OR51B5: variants seen among roughly 807,000 people sequenced by gnomAD.
OR51B5 encodes olfactory receptor family 51 subfamily B member 5.
For missense variants in OR51B5, 456 were observed against 374.6 expected (o/e 1.22, Z -1.79); for synonymous variants, 186 against 144.8 (o/e 1.28, Z -2.04).
At chr11:5,470,337 C>T (rs55646573) in intron 1 of OR51B5, among the ~76,000 whole-genome samples, 1 of 152,286 alleles carries the variant, frequency 6.6e-6, no homozygotes, top group Non-Finnish European at 1.5e-5. Context: ...GAGTTACTAT[C>T]GTAGAAAACA....
At chr11:5,380,417 C>T (rs770087582) in intron 1 of OR51B5, among the ~76,000 whole-genome samples, 46 of 152,176 alleles carry the variant, frequency 3.0e-4, no homozygotes, top group Non-Finnish European at 5.0e-4. Context: ...ATCGATCTCA[C>T]ACCACAAAAT....
chr11:5,340,532 C>A (rs947236869), downstream of OR51B5: 1 of 151,190 alleles, frequency 6.6e-6, no homozygotes, highest in Non-Finnish European at 1.5e-5. Flanking sequence ...TCTTCTACTG[C>A]GGTTAGGAGT....
intron 1 of OR51B5, among the ~76,000 whole-genome samples, chr11:5,474,890 G>A (rs927484011): frequency 6.6e-6 from 1 of 152,174 alleles, no homozygotes; most frequent in Non-Finnish European, 1.5e-5. Flanking sequence ...TAAGTTTGGG[G>A]TGGTAGGAAT....
exon 1 of OR51B5, chr11:5,342,656 T>C (rs926541684): frequency 6.2e-7 from 1 of 1,613,462 alleles, no homozygotes; most frequent in Non-Finnish European, 8.5e-7. Context: ...CTTGACACTA[T>C]ATGTTATAGG....
In OR51B5 at chr11:5,363,961, G is replaced by A. The variant is rs193036981; in HGVS notation, n.85-17051C>T. ...TTTCTGTAAAGGAGGAGAAGCTTGT[G>A]TTAGGAATGGAAGAATGCCTGGGCT... On this transcript the variant is annotated intron_variant and non_coding_transcript_variant, in intron 1 of 4. Transcript: ENST00000415970. Among the ~76,000 whole-genome samples, 3 of 152,304 alleles carry A rather than the reference G, an allele frequency of 2.0e-5. No homozygotes were observed. The East Asian group carries it at 5.8e-4, about 29-fold the overall frequency.
chr11:5,461,687 G>T (rs138096436), intron 1 of OR51B5, among the ~76,000 whole-genome samples: 4 of 152,298 alleles, frequency 2.6e-5, no homozygotes, highest in African/African-American at 9.6e-5. Context: ...AGTTCTCCCT[G>T]CCAATTAAAA....
At chr11:5,351,932 T>C in intron 1 of OR51B5, 1 of 1,613,058 alleles carries the variant, frequency 6.2e-7, no homozygotes, top group East Asian at 2.2e-5. Flanking sequence ...GTAATGAAGA[T>C]TGGTGTGCGG....
chr11:5,444,064 TTC>T (rs1358144267), intron 1 of OR51B5, among the ~76,000 whole-genome samples: 3 of 152,178 alleles, frequency 2.0e-5, no homozygotes, highest in African/African-American at 7.2e-5. Context: ...ATTTCAAATA[TTC>T]TCTTATTTTT....
intron 1 of OR51B5, chr11:5,453,850 A>C: frequency 6.2e-7 from 1 of 1,614,128 alleles, no homozygotes; most frequent in Non-Finnish European, 8.5e-7. Context: ...ATGAGTTTTG[A>C]CCGCTATGTG....
At chr11:5,358,143 G>T (rs1849222965) in intron 1 of OR51B5, among the ~76,000 whole-genome samples, 1 of 151,952 alleles carries the variant, frequency 6.6e-6, no homozygotes, top group Non-Finnish European at 1.5e-5. Flanking sequence ...ACTAAAATCA[G>T]AGCAGAACTG....
chr11:5,427,116 C>T (rs1850463248), intron 1 of OR51B5, among the ~76,000 whole-genome samples: 1 of 152,208 alleles, frequency 6.6e-6, no homozygotes, highest in African/African-American at 2.4e-5. Flanking sequence ...ATTTACTACC[C>T]CTCACAATTG....
rs980048973 is a variant in OR51B5, at chr11:5,361,047, G to A, written n.85-14137C>T. Among the ~76,000 whole-genome samples the A allele has an allele frequency of 6.6e-5, 10 of 152,082 alleles. No homozygotes were observed. The South Asian group carries it at 1.7e-3, about 25-fold the overall frequency. ...GGAGATATACCTAATGCTAAGTGAC[G>A]AGTTAATGGGTGCAGCACACCAACA... On this transcript the variant is annotated intron_variant and non_coding_transcript_variant, in intron 1 of 4. Transcript: ENST00000415970.
At chr11:5,383,319 G>A (rs1001550860) in intron 1 of OR51B5, among the ~76,000 whole-genome samples, 2 of 152,114 alleles carry the variant, frequency 1.3e-5, no homozygotes, top group Admixed American at 1.3e-4. Flanking sequence ...GGCAGAGATG[G>A]AGGGCAATTT....
At chr11:5,440,617 C>T (rs267602954) in intron 1 of OR51B5, 1 of 1,613,748 alleles carries the variant, frequency 6.2e-7, no homozygotes, top group South Asian at 1.1e-5. Flanking sequence ...TTGCGGATCT[C>T]CTTGGTTTTC....
At chr11:5,369,523 GTTGTATTTTT>G (rs1849419958) in intron 1 of OR51B5, among the ~76,000 whole-genome samples, 1 of 151,976 alleles carries the variant, frequency 6.6e-6, no homozygotes, top group Non-Finnish European at 1.5e-5. Context: ...CTAGTAAGTA[GTTGTATTTTT>G]AAAATTTTCC....
chr11:5,480,571 TG>T (rs1244171901), intron 1 of OR51B5, among the ~76,000 whole-genome samples: 3 of 151,720 alleles, frequency 2.0e-5, no homozygotes, highest in African/African-American at 7.3e-5. Context: ...ATCCAGGAGC[TG>T]GTTTTTTGAA....
chr11:5,433,932 T>G (rs1850563269), intron 1 of OR51B5, among the ~76,000 whole-genome samples: 2 of 152,228 alleles, frequency 1.3e-5, no homozygotes. Flanking sequence ...ACACTCTTCA[T>G]GCACCAGCTC....
chr11:5,370,876 T>C (rs7131367), intron 1 of OR51B5, among the ~76,000 whole-genome samples: 36,066 of 152,136 alleles, frequency 0.24, 4,505 homozygotes, highest in Non-Finnish European at 0.26. Context: ...AGGTAATATT[T>C]CAGCTGTGAC....
intron 1 of OR51B5, chr11:5,440,644 G>A (rs1345438542): frequency 1.2e-6 from 2 of 1,613,828 alleles, no homozygotes; most frequent in South Asian, 1.1e-5. Flanking sequence ...TAGATGATAG[G>A]GTTGAGCATG....
Sources: gnomAD v4.1 joint callset for allele counts (sites outside exome capture counted in the v4.1 genomes callset) on GRCh38, gnomAD v4.1.1 for gene constraint, MANE v1.5 for transcripts, NCBI Gene and HGNC (gene_info 2026-07-23, HGNC 2026-07-21) for gene names.